The following CABIN1 variants were observed in gnomAD, a reference collection of about 807,000 sequenced individuals.
The protein encoded by CABIN1 is calcineurin-binding protein cabin-1.
CABIN1 carries 133 observed loss-of-function variants against 227.7 expected under a neutral mutation model. That is an observed-to-expected ratio of 0.58 (90% CI 0.51 to 0.67). The LOEUF (loss-of-function observed/expected upper bound fraction) is 0.67. Ranked by LOEUF, CABIN1 falls within the 30% of genes least tolerant of loss-of-function variation. The pLI, the probability that CABIN1 is intolerant of heterozygous loss-of-function variation, is 0.00. For synonymous variants in CABIN1, 1,086 were observed against 1,155.1 expected (o/e 0.94, Z 1.21); for missense variants, 2,408 against 2,852.5 (o/e 0.84, Z 3.55).
intron 20 of CABIN1, 78 bp downstream of exon 20, chr22:24,083,467 C>T (rs1341730224): frequency 1.2e-5 from 19 of 1,524,306 alleles, no homozygotes; most frequent in Non-Finnish European, 1.7e-5. Context: ...TATTTGTCAA[C>T]AGTCATCTTG....
chr22:24,148,047 C>A (rs1038770582), intron 29 of CABIN1, among the ~76,000 whole-genome samples: 1 of 152,186 alleles, frequency 6.6e-6, no homozygotes, highest in Non-Finnish European at 1.5e-5. Flanking sequence ...GCAGGGACTA[C>A]AAGCACCCCA....
chr22:24,054,320 C>T (rs1159616493), intron 8 of CABIN1, among the ~76,000 whole-genome samples: 2 of 152,142 alleles, frequency 1.3e-5, no homozygotes, highest in Non-Finnish European at 2.9e-5. Context: ...CCACACCATA[C>T]CACAACAAAA....
Position 24,041,212 on chromosome 22 carries a change from A to T in CABIN1, c.284A>T (p.Asn95Ile). 2 of 1,614,212 alleles carry T rather than the reference A, an allele frequency of 1.2e-6. No homozygotes were observed. The highest frequency in any genetic ancestry group is 1.7e-6 in the Non-Finnish European group (2 of 1,180,048). The part of the protein sequence containing the change: ...GLILKYSTYK[N>I]LAQLAAQRED... The stretch of plus-strand genomic sequence containing the variant: ...ATACTGAAATATTCCACTTATAAGA[A>T]CTTGGCCCAGCTGGCAGCCCAGCGG... The change falls in exon 5 of 37, where the codon AAC becomes ATC. Residue 95 changes from asparagine to isoleucine, a missense_variant. Asn to Ile is a moderately radical substitution (Grantham distance 149). This residue lies in a region of CABIN1 where 1,045 missense variants were observed against 1,168.4 expected (regional missense o/e 0.89). Transcript: ENST00000263119.
intron 23 of CABIN1, 115 bp from the exon 24 acceptor site, chr22:24,091,468 T>G (rs1181261544): frequency 7.1e-6 from 9 of 1,267,254 alleles, no homozygotes; most frequent in Non-Finnish European, 1.0e-5. Context: ...TGTGTCTTGG[T>G]TGTTAAGAGG....
At chr22:24,158,248 C>A (rs936782013) in intron 29 of CABIN1, among the ~76,000 whole-genome samples, 1 of 152,208 alleles carries the variant, frequency 6.6e-6, no homozygotes, top group African/African-American at 2.4e-5. Flanking sequence ...AGACAGAACA[C>A]TCACCCACTG....
At chr22:24,169,245 C>T (rs536509311) in intron 33 of CABIN1, among the ~76,000 whole-genome samples, 15 of 152,086 alleles carry the variant, frequency 9.9e-5, no homozygotes, top group Non-Finnish European at 2.2e-4. Flanking sequence ...AAAACATAAG[C>T]CTCCAAGCCA....
At chr22:24,050,147 C>T (rs377422347) in intron 7 of CABIN1, among the ~76,000 whole-genome samples, 10 of 152,334 alleles carry the variant, frequency 6.6e-5, no homozygotes, top group African/African-American at 2.4e-4. Context: ...TGGCGTCTAT[C>T]CCCTGTGAGC....
At chr22:24,053,744 G>A (rs1490144524) in intron 8 of CABIN1, among the ~76,000 whole-genome samples, 1 of 152,130 alleles carries the variant, frequency 6.6e-6, no homozygotes, top group Non-Finnish European at 1.5e-5. Flanking sequence ...AGGGGACTGT[G>A]CTCTGTGCTA....
At chr22:24,037,614 C>T (rs2037019858) in intron 3 of CABIN1, among the ~76,000 whole-genome samples, 1 of 152,168 alleles carries the variant, frequency 6.6e-6, no homozygotes, top group South Asian at 2.1e-4. Flanking sequence ...AAACCATTCA[C>T]ACTGAACATT....
chr22:24,104,529 C>T (rs2042399194), intron 26 of CABIN1, among the ~76,000 whole-genome samples: 1 of 152,196 alleles, frequency 6.6e-6, no homozygotes, highest in South Asian at 2.1e-4. Flanking sequence ...CACCTGTGAG[C>T]ACTGGCAAAG....
At chr22:24,034,813 T>G (rs561866735) in intron 1 of CABIN1, among the ~76,000 whole-genome samples, 1 of 152,364 alleles carries the variant, frequency 6.6e-6, no homozygotes, top group East Asian at 1.9e-4. Context: ...TAATTATTTT[T>G]CTATTATCTT....
intron 1 of CABIN1, among the ~76,000 whole-genome samples, chr22:24,025,242 C>A (rs1485717311): frequency 6.6e-6 from 1 of 152,124 alleles, no homozygotes; most frequent in Admixed American, 6.5e-5. Context: ...AAAATGTATT[C>A]CTTGTTGTTT....
At chr22:24,169,640 G>T (rs1442632578) in intron 33 of CABIN1, among the ~76,000 whole-genome samples, 1 of 152,162 alleles carries the variant, frequency 6.6e-6, no homozygotes, top group Non-Finnish European at 1.5e-5. Context: ...CAGCTGTCTG[G>T]GCCCCAGTGC....
rs758068445 is a variant in CABIN1, at chr22:24,177,465, C to T, written c.6206-39C>T. ...GAGATAAAGTGCTCACTGTGTGATG[C>T]GGCAGGCAGGAAGTGCTCTTGGTAC... On this transcript the variant is annotated intron_variant, in intron 35 of 36. Transcript: ENST00000263119. This position sits in a 1 kb window ranked among gnomAD's most constrained non-coding sequence, Gnocchi z 4.4. 1.2e-5 allele frequency: 18 copies of T among 1,484,286 alleles called. No individual in the cohort carries two copies. Among genetic ancestry groups the T allele is most frequent in the African/African-American group, 2.8e-5 (2 of 71,258 alleles). 91.9% of individuals were successfully genotyped at this position (1,484,286 alleles called of 1,614,324 possible). A position where few individuals can be genotyped will look rare whatever the true frequency, so the allele number is the denominator to read the frequency against.
Position 24,115,400 on chromosome 22 carries a change from G to A in CABIN1, c.4300+1652G>A, listed in dbSNP as rs78199142. On this transcript the variant is annotated intron_variant, in intron 27 of 36. Coordinates refer to ENST00000263119, the MANE Select transcript of CABIN1 (RefSeq NM_012295.4). ...CAGACAGTTTGTGGGGCTGGCCATT[G>A]GTGAAGAAAGTTAGGGTAGGACCAA... 6.4e-3 allele frequency among the ~76,000 whole-genome samples: 975 copies of A among 152,302 alleles called. 13 individuals carry two copies. The highest frequency in any genetic ancestry group is 0.022 in the African/African-American group (907 of 41,564).
chr22:24,015,814 T>C (rs968623843), intron 1 of CABIN1, among the ~76,000 whole-genome samples: 3 of 151,906 alleles, frequency 2.0e-5, no homozygotes, highest in Non-Finnish European at 4.4e-5. Flanking sequence ...AAAAATTAGC[T>C]GGGCATGGTG....
At chr22:24,155,596 T>G (rs762885703) in intron 29 of CABIN1, among the ~76,000 whole-genome samples, 6 of 152,148 alleles carry the variant, frequency 3.9e-5, no homozygotes, top group Admixed American at 6.5e-5. Context: ...CCTGCCCAAC[T>G]GTAACAGCAA....
chr22:24,087,597 A>G lies in CABIN1; in HGVS notation c.3409A>G (p.Ser1137Gly). ...NCFRRALEID[S>G]SNLSLWIEYG... ...CTTCCGTCGGGCCCTGGAGATTGAC[A>G]GCTCCAACTTGTCCCTATGGATTGA... is the stretch of plus-strand genomic sequence containing the variant. Residue 1137 changes from serine to glycine, a missense_variant, in exon 23 of 37, where the codon AGC becomes GGC. Coordinates refer to ENST00000263119, the MANE Select transcript of CABIN1 (RefSeq NM_012295.4). 1 of 1,614,180 alleles carries G rather than the reference A, an allele frequency of 6.2e-7. No homozygotes were observed. The highest frequency in any genetic ancestry group is 8.5e-7 in the Non-Finnish European group (1 of 1,180,036).
chr22:24,028,582 C>T (rs987635939), intron 1 of CABIN1, among the ~76,000 whole-genome samples: 8 of 152,106 alleles, frequency 5.3e-5, no homozygotes, highest in Non-Finnish European at 8.8e-5. Flanking sequence ...TTTTCCAGCC[C>T]TTGTTCTGTC....
Sources: gnomAD v4.1 joint callset for allele counts (sites outside exome capture counted in the v4.1 genomes callset) on GRCh38, gnomAD v4.1.1 for gene constraint, gnomAD v4.1.1 regional missense constraint, Gnocchi (gnomAD v3.1) non-coding constraint, MANE v1.5 for transcripts, NCBI Gene and HGNC (gene_info 2026-07-23, HGNC 2026-07-21) for gene names.